Variants in KSR2 observed in about 807,000 individuals in gnomAD.
The protein encoded by KSR2 is kinase suppressor of ras 2.
Under a neutral mutation model 107.8 loss-of-function variants are expected in KSR2, and 25 were observed. The observed-to-expected ratio is 0.23, with a 90% confidence interval of 0.17 to 0.32. KSR2 has a LOEUF of 0.32. Among genes scored for constraint, KSR2 ranks in the 10% least tolerant of loss-of-function variants. The pLI is 1.00. For synonymous variants in KSR2, 480 were observed against 507.0 expected, an observed-to-expected ratio of 0.95 and a Z score of 0.71; for missense variants, 887 against 1,268.9, an observed-to-expected ratio of 0.70 and a Z score of 4.57.
At chr12:117,948,351 G>A (rs138743249) in intron 1 of KSR2, among the ~76,000 whole-genome samples, 2,906 of 152,122 alleles carry the variant, frequency 0.019, 44 homozygotes, top group Non-Finnish European at 0.032. Context: ...TTAGCTGGGC[G>A]TGTTGGCGTG....
chr12:117,664,169 C>G (rs1884553812), intron 5 of KSR2, among the ~76,000 whole-genome samples: 1 of 152,202 alleles, frequency 6.6e-6, no homozygotes, highest in Non-Finnish European at 1.5e-5. Context: ...ACTCACCACT[C>G]CCAGGCCAGG....
chr12:117,454,930 T>A lies in KSR2; in HGVS notation c.*12269A>T, dbSNP rs922096288. ...ATGGCCAACCCATCTATAGCCAAGA[T>A]GCCCATGGACTTCAGGACCCAATGC... On this transcript the variant is annotated 3_prime_UTR_variant, in exon 20 of 20. Coordinates refer to ENST00000339824, the MANE Select transcript of KSR2 (RefSeq NM_173598.6). 1.3e-5 allele frequency: 2 copies of A among 151,954 alleles called. No individual in the cohort carries two copies. Among genetic ancestry groups the A allele is most frequent in the East Asian group, 3.9e-4 (2 of 5,186 alleles). The allele number at this position is 151,954 out of a possible 1,614,324, so 9.4% of individuals were successfully genotyped here. A position where few individuals can be genotyped will look rare whatever the true frequency, so the allele number is the denominator to read the frequency against.
chr12:117,549,684 G>T (rs534133905), intron 9 of KSR2, among the ~76,000 whole-genome samples: 1 of 152,264 alleles, frequency 6.6e-6, no homozygotes, highest in South Asian at 2.1e-4. Flanking sequence ...AGAGGAGGAA[G>T]ATCTATTTCC....
chr12:117,538,040 G>A (rs1315696351), intron 10 of KSR2, among the ~76,000 whole-genome samples: 3 of 152,168 alleles, frequency 2.0e-5, no homozygotes, highest in Non-Finnish European at 2.9e-5. Flanking sequence ...GGAGTGAAGT[G>A]GCTATTGGAA....
chr12:117,685,443 A>G (rs898506936), intron 4 of KSR2, among the ~76,000 whole-genome samples: 2 of 152,194 alleles, frequency 1.3e-5, no homozygotes, highest in Admixed American at 6.5e-5. Context: ...CCCTTGCCTG[A>G]AGAAAAGACA....
chr12:117,530,828 C>A lies in KSR2; in HGVS notation c.1802+113G>T. ...ACCCCCTTGTACATCTCCCTCTGCC[C>A]CCAACTCCATCAGTTCCAGGAAGAG... On this transcript the variant is annotated intron_variant, in intron 12 of 19. Coordinates refer to ENST00000339824, the MANE Select transcript of KSR2 (RefSeq NM_173598.6). 3 of 925,520 alleles carry A rather than the reference C, an allele frequency of 3.2e-6. No homozygotes were observed. In the South Asian group the frequency reaches 4.5e-5, roughly 14 times the overall value. 57.3% of individuals were successfully genotyped at this position (925,520 alleles called of 1,614,324 possible). A position where few individuals can be genotyped will look rare whatever the true frequency, so the allele number is the denominator to read the frequency against.
intron 9 of KSR2, among the ~76,000 whole-genome samples, chr12:117,553,648 T>C (rs915233101): frequency 4.6e-5 from 7 of 152,202 alleles, no homozygotes; most frequent in African/African-American, 1.7e-4. Context: ...AATCTCATGT[T>C]GAAATTTGAA....
chr12:117,862,960 A>G (rs1050745006), intron 1 of KSR2, among the ~76,000 whole-genome samples: 1 of 151,726 alleles, frequency 6.6e-6, no homozygotes, highest in Admixed American at 6.6e-5. Flanking sequence ...CGATCTCCTG[A>G]TCTCGTGATC....
intron 4 of KSR2, among the ~76,000 whole-genome samples, chr12:117,669,943 T>C (rs1280849176): frequency 1.7e-5 from 2 of 119,660 alleles, no homozygotes; most frequent in African/African-American, 4.0e-5. Flanking sequence ...ATTCACAGTC[T>C]GTTGCTGAAA....
intron 1 of KSR2, among the ~76,000 whole-genome samples, chr12:117,882,628 TCCATCCATCCAA>T (rs1022744860): frequency 6.6e-6 from 1 of 151,318 alleles, no homozygotes; most frequent in Non-Finnish European, 1.5e-5. Flanking sequence ...TATCCATCCA[TCCATCCATCCAA>T]CAATCCATCT....
At chr12:117,902,356 A>G (rs1894711372) in intron 1 of KSR2, among the ~76,000 whole-genome samples, 1 of 151,904 alleles carries the variant, frequency 6.6e-6, no homozygotes, top group Non-Finnish European at 1.5e-5. Context: ...TACTTGGGAC[A>G]CTGAGGCAGG....
rs182855726 is a variant in KSR2 at position 117,590,438 on chromosome 12, G to A, written c.1172-8079C>T. On this transcript the variant is annotated intron_variant, in intron 5 of 19. Transcript: ENST00000339824. ...TGGTACTCTTACTTTTCTGAGGCTCGGTTTCTCCTATAAAAAAAGTGGTCA... is the reference window on the plus strand; with the variant it reads ...TGGTACTCTTACTTTTCTGAGGCTCAGTTTCTCCTATAAAAAAAGTGGTCA... Among the ~76,000 whole-genome samples, 9 of 152,220 alleles carry A rather than the reference G, an allele frequency of 5.9e-5. 1 individual carries two copies. In the South Asian group the frequency reaches 8.3e-4, roughly 14 times the overall value.
At chr12:117,491,607 G>A (rs76364814) in intron 14 of KSR2, among the ~76,000 whole-genome samples, 1 of 152,262 alleles carries the variant, frequency 6.6e-6, no homozygotes, top group African/African-American at 2.4e-5. Context: ...GCATTTATAT[G>A]CCACATTTTC....
intron 4 of KSR2, among the ~76,000 whole-genome samples, chr12:117,681,689 C>T (rs191731718): frequency 1.3e-5 from 2 of 152,204 alleles, no homozygotes; most frequent in Admixed American, 1.3e-4. Context: ...GTCTTTAATC[C>T]ACCTTGAGTT....
At chr12:117,710,690 T>G (rs1416349565) in intron 4 of KSR2, among the ~76,000 whole-genome samples, 1 of 152,176 alleles carries the variant, frequency 6.6e-6, no homozygotes, top group Non-Finnish European at 1.5e-5. Context: ...TCGTAAGAAT[T>G]AAAGAAGCTA....
chr12:117,891,625 G>A (rs1894344864), intron 1 of KSR2, among the ~76,000 whole-genome samples: 1 of 151,886 alleles, frequency 6.6e-6, no homozygotes, highest in Non-Finnish European at 1.5e-5. Context: ...TAACAAATAT[G>A]ACTTTTTAAA....
intron 3 of KSR2, among the ~76,000 whole-genome samples, chr12:117,829,828 T>C (rs201295174): frequency 1.3e-5 from 2 of 152,266 alleles, no homozygotes; most frequent in East Asian, 3.8e-4. Flanking sequence ...CACTGGCTCC[T>C]GGATTAGACT....
At chr12:117,613,257 T>G (rs77539118) in intron 5 of KSR2, among the ~76,000 whole-genome samples, 2,478 of 152,328 alleles carry the variant, frequency 0.016, 66 homozygotes, top group African/African-American at 0.056. Flanking sequence ...AAGCTCTATA[T>G]GCACATACAT....
intron 5 of KSR2, among the ~76,000 whole-genome samples, chr12:117,596,052 T>C (rs954638679): frequency 8.1e-5 from 12 of 147,670 alleles, no homozygotes; most frequent in Non-Finnish European, 1.6e-4. Flanking sequence ...CTTTTTCCCT[T>C]CCCTCCCCTC....
Sources: allele counts gnomAD v4.1 joint callset (sites outside exome capture counted in the v4.1 genomes callset), GRCh38; gene constraint gnomAD v4.1.1; transcripts MANE v1.5; gene names NCBI Gene and HGNC (gene_info 2026-07-23, HGNC 2026-07-21).